CMIP: variants seen among roughly 807,000 people sequenced by gnomAD.
CMIP encodes the protein C-Maf-inducing protein.
In CMIP, 13 loss-of-function variants were observed where a neutral mutation model predicts 97.3. That is an observed-to-expected ratio of 0.13 (90% CI 0.09 to 0.21). The LOEUF (loss-of-function observed/expected upper bound fraction) is 0.21. Among genes scored for constraint, CMIP ranks in the 10% least tolerant of loss-of-function variants. The pLI is 1.00. For synonymous variants in CMIP, 538 were observed against 436.3 expected, an observed-to-expected ratio of 1.23 and a Z score of -2.91; for missense variants, 847 against 1,024.9, an observed-to-expected ratio of 0.83 and a Z score of 2.37.
rs917013275 is a variant in CMIP at position 81,707,100 on chromosome 16, C to T, written c.2268+16C>T. 1.2e-5 allele frequency: 19 copies of T among 1,605,420 alleles called. No individual in the cohort carries two copies. The highest frequency in any genetic ancestry group is 2.2e-5 in the South Asian group (2 of 90,910). On this transcript the variant is annotated intron_variant, in intron 20 of 20. Coordinates refer to ENST00000537098, the MANE Select transcript of CMIP (RefSeq NM_198390.3). ...AGATCTGAAGGTAATTCCCTCCTTCCTCCCCACTCTCCTCCCCTCCTTCTT... is the reference window on the plus strand; with the variant it reads ...AGATCTGAAGGTAATTCCCTCCTTCTTCCCCACTCTCCTCCCCTCCTTCTT...
At chr16:81,651,322 C>T (rs1470748853) in intron 3 of CMIP, 12 of 546,740 alleles carry the variant, frequency 2.2e-5, no homozygotes, top group Non-Finnish European at 2.6e-5. Flanking sequence ...CGAGGGCCTC[C>T]GTTTCCATGA....
chr16:81,648,786 A>G (rs1898351095), intron 3 of CMIP, among the ~76,000 whole-genome samples: 1 of 2,824 alleles, frequency 3.5e-4, no homozygotes, highest in African/African-American at 8.7e-4. Flanking sequence ...CTGTCTCAGA[A>G]AAAAAAAAAA....
intron 9 of CMIP, among the ~76,000 whole-genome samples, chr16:81,676,196 G>A (rs2151051702): frequency 6.6e-6 from 1 of 152,288 alleles, no homozygotes; most frequent in Admixed American, 6.5e-5. Flanking sequence ...CAGCTGTGTT[G>A]AGCCCCCTCG....
At chr16:81,699,078 C>T (rs551158123) in intron 14 of CMIP, among the ~76,000 whole-genome samples, 1 of 152,084 alleles carries the variant, frequency 6.6e-6, no homozygotes, top group Non-Finnish European at 1.5e-5. Flanking sequence ...ATGGTGAACC[C>T]CATCTCTACT....
chr16:81,504,726 C>T (rs1016415794), intron 1 of CMIP, among the ~76,000 whole-genome samples: 22 of 151,668 alleles, frequency 1.5e-4, no homozygotes, highest in African/African-American at 1.9e-4. Flanking sequence ...GTGTGCTCCA[C>T]GGTCTGTGCC....
At chr16:81,544,832 G>A (rs1567570546) in intron 1 of CMIP, among the ~76,000 whole-genome samples, 1 of 152,106 alleles carries the variant, frequency 6.6e-6, no homozygotes, top group Non-Finnish European at 1.5e-5. Context: ...CCATGTGTGT[G>A]CGTGCATGGA....
At chr16:81,528,968 C>T (rs1471270347) in intron 1 of CMIP, among the ~76,000 whole-genome samples, 1 of 152,124 alleles carries the variant, frequency 6.6e-6, no homozygotes, top group African/African-American at 2.4e-5. Flanking sequence ...TCCACCCACC[C>T]ATCCCTCCAT....
At chr16:81,533,860 G>C (rs557580264) in intron 1 of CMIP, 1 of 152,278 alleles carries the variant, frequency 6.6e-6, no homozygotes, top group Non-Finnish European at 1.5e-5. Context: ...CAGGGCCGCA[G>C]GGAACACTAG....
At position 81,592,157 on chromosome 16, in the gene CMIP, A is replaced by T. The variant is rs190199174; in HGVS notation, c.301-15410A>T. On this transcript the variant is annotated intron_variant, in intron 1 of 20. Transcript: ENST00000537098. Reference sequence around the variant, plus strand: ...CTGTTTATATTTTACTTTTTTATGCACCTTACTGTTTACATCTTAATTTTT... The same window carrying T: ...CTGTTTATATTTTACTTTTTTATGCTCCTTACTGTTTACATCTTAATTTTT... Among the ~76,000 whole-genome samples, 15 of 152,056 alleles carry T rather than the reference A, an allele frequency of 9.9e-5. No individual in the cohort carries two copies. In the East Asian group the frequency reaches 2.9e-3, roughly 29 times the overall value.
At chr16:81,620,400 G>C (rs1358404098) in intron 2 of CMIP, 1 of 154,130 alleles carries the variant, frequency 6.5e-6, no homozygotes, top group Non-Finnish European at 1.4e-5. Context: ...CTGTGAAATG[G>C]GCATAATGAT....
intron 1 of CMIP, among the ~76,000 whole-genome samples, chr16:81,490,582 C>T (rs953932522): frequency 1.3e-5 from 2 of 152,104 alleles, no homozygotes; most frequent in Non-Finnish European, 2.9e-5. Flanking sequence ...ATTACGCCAT[C>T]GCACTCTAGC....
At chr16:81,477,451 G>C (rs975531890) in intron 1 of CMIP, among the ~76,000 whole-genome samples, 2 of 152,114 alleles carry the variant, frequency 1.3e-5, no homozygotes, top group South Asian at 4.1e-4. Flanking sequence ...GTGAGCCACC[G>C]CACCTAGCCT....
At chr16:81,685,077 C>A (rs1905244017) in intron 10 of CMIP, among the ~76,000 whole-genome samples, 1 of 152,232 alleles carries the variant, frequency 6.6e-6, no homozygotes, top group Non-Finnish European at 1.5e-5. Context: ...GCCTGCCAGT[C>A]TGGGGACACC....
chr16:81,446,654 C>G (rs1179338329), intron 1 of CMIP, among the ~76,000 whole-genome samples: 2 of 152,120 alleles, frequency 1.3e-5, no homozygotes, highest in Non-Finnish European at 2.9e-5. Flanking sequence ...ACTGCCTGCC[C>G]ACACCTGTGC....
chr16:81,530,629 G>T (rs1331122214), intron 1 of CMIP, among the ~76,000 whole-genome samples: 1 of 152,076 alleles, frequency 6.6e-6, no homozygotes, highest in Non-Finnish European at 1.5e-5. Context: ...AGGCAGAGCA[G>T]AGCCTCTCCC....
chr16:81,466,687 A>C (rs948002116), intron 1 of CMIP, among the ~76,000 whole-genome samples: 3 of 152,186 alleles, frequency 2.0e-5, no homozygotes, highest in African/African-American at 7.2e-5. Flanking sequence ...CATCCAATTG[A>C]TTGGTGATCT....
chr16:81,624,125 A>G (rs2092027933), intron 3 of CMIP, among the ~76,000 whole-genome samples: 3 of 109,246 alleles, frequency 2.7e-5, no homozygotes, highest in African/African-American at 1.1e-4. Context: ...CTCTGTCTTT[A>G]ACTGAAAAAA....
chr16:81,707,277 C>G (rs972868385), intron 20 of CMIP, among the ~76,000 whole-genome samples, 193 bp downstream of exon 20: 2 of 152,204 alleles, frequency 1.3e-5, no homozygotes, highest in African/African-American at 4.8e-5. Context: ...AATAGGAAGG[C>G]CTGTGTGGCC....
At position 81,533,171 on chromosome 16, in the gene CMIP, C is replaced by T. The variant is rs141796309; in HGVS notation, c.301-74396C>T. Among the ~76,000 whole-genome samples the T allele has an allele frequency of 2.6e-5, 4 of 152,266 alleles. No homozygotes were observed. The East Asian group carries it at 7.7e-4, about 29-fold the overall frequency. ...GAGCATATGTTATCATCTGACAGAC[C>T]ACGCGTTTCTTACTTATTTTGTTTA... is the stretch of plus-strand genomic sequence containing the variant. On this transcript the variant is annotated intron_variant, in intron 1 of 20. Transcript: ENST00000537098.
Sources: gnomAD v4.1 joint callset for allele counts (sites outside exome capture counted in the v4.1 genomes callset) on GRCh38, gnomAD v4.1.1 for gene constraint, MANE v1.5 for transcripts, NCBI Gene and HGNC (gene_info 2026-07-23, HGNC 2026-07-21) for gene names.